The following INSR variants were observed in gnomAD, a reference collection of about 807,000 sequenced individuals.
INSR encodes the protein IR.
In INSR, 67 loss-of-function variants were observed where a neutral mutation model predicts 142.6. The observed-to-expected ratio is 0.47, with a 90% CI of 0.39 to 0.58. INSR has a LOEUF of 0.58. INSR is among the 20% of genes least tolerant of loss of function. INSR has a pLI of 0.00. For missense variants in INSR, 1,248 were observed against 1,833.2 expected, an observed-to-expected ratio of 0.68 and a Z score of 5.83; for synonymous variants, 756 against 743.1, an observed-to-expected ratio of 1.02 and a Z score of -0.28.
intron 13 of INSR, among the ~76,000 whole-genome samples, chr19:7,137,422 A>G (rs1972958298): frequency 1.3e-5 from 2 of 152,016 alleles, no homozygotes; most frequent in African/African-American, 2.4e-5. Context: ...CAAAGAAATG[A>G]GGTTTGGAAC....
At position 7,125,401 on chromosome 19, in the gene INSR, T is replaced by G; in HGVS notation, c.3140A>C (p.Lys1047Thr). The change falls in exon 17 of 22, where the codon AAG (lysine) becomes ACG (threonine). Residue 1047 changes from lysine to threonine, a missense_variant. Physicochemically the swap from Lys to Thr is moderately conservative, Grantham distance 78. Coordinates refer to ENST00000302850, the MANE Select transcript of INSR (RefSeq NM_000208.4). The surrounding 1 kb of genome is among the most constrained non-coding windows in gnomAD (Gnocchi z 4.9). Reference protein sequence around the residue: ...VYEGNARDIIKGEAETRVAVK... With the variant: ...VYEGNARDIITGEAETRVAVK... ...CGCCACGCGGGTCTCTGCCTCACCC[T>G]TGATGATGTCCCTGGCATTGCCCTC... 6.2e-7 allele frequency: 1 copy of G among 1,614,140 alleles called. No individual in the cohort carries two copies. The highest frequency in any genetic ancestry group is 1.1e-5 in the South Asian group (1 of 91,072).
chr19:7,276,394 C>A (rs371110021), intron 1 of INSR, among the ~76,000 whole-genome samples: 3 of 152,092 alleles, frequency 2.0e-5, no homozygotes, highest in African/African-American at 4.8e-5. Flanking sequence ...AGTCCTGCGT[C>A]GGCCTCCCAG....
At chr19:7,221,379 AGG>A (rs1172725449) in intron 2 of INSR, among the ~76,000 whole-genome samples, 42 of 400 alleles carry the variant, frequency 0.1, no homozygotes, top group Admixed American at 0.4. Context: ...GTCAAAAAAA[AGG>A]AGGAGGAGGA....
At chr19:7,229,526 A>G (rs1349091912) in intron 2 of INSR, among the ~76,000 whole-genome samples, 2 of 152,196 alleles carry the variant, frequency 1.3e-5, no homozygotes, top group African/African-American at 4.8e-5. Context: ...AATCCATGAC[A>G]TAGGAGAGTA....
At chr19:7,170,916 G>A (rs1358274725) in intron 5 of INSR, among the ~76,000 whole-genome samples, 165 bp from the exon 6 acceptor site, 5 of 152,142 alleles carry the variant, frequency 3.3e-5, no homozygotes, top group Non-Finnish European at 7.3e-5. Context: ...GATAACAGAG[G>A]AAGTTGAGGA....
intron 2 of INSR, among the ~76,000 whole-genome samples, chr19:7,236,122 C>T (rs951989061): frequency 4.6e-5 from 7 of 151,798 alleles, no homozygotes; most frequent in East Asian, 1.9e-4. Flanking sequence ...CCACCACACC[C>T]GGCTAATTTT....
Position 7,125,670 on chromosome 19 carries a change from C to T in INSR, c.3014-143G>A. 8.9e-7 allele frequency: 1 copy of T among 1,119,358 alleles called. No individual in the cohort carries two copies. The highest frequency in any genetic ancestry group is 1.3e-6 in the Non-Finnish European group (1 of 764,626). The allele number at this position is 1,119,358 out of a possible 1,614,324, so 69.3% of individuals were successfully genotyped here. On this transcript the variant is annotated intron_variant, in intron 16 of 21. Coordinates refer to ENST00000302850, the MANE Select transcript of INSR (RefSeq NM_000208.4). The surrounding 1 kb of genome is among the most constrained non-coding windows in gnomAD (Gnocchi z 4.9). ...TCCAGGACCCATGCCGGGCACTGGG[C>T]ATATGGCCGAGAACAGGACAGGCAT...
chr19:7,162,530 GC>G (rs1973781311), intron 9 of INSR, among the ~76,000 whole-genome samples: 1 of 142,508 alleles, frequency 7.0e-6, no homozygotes, highest in South Asian at 2.2e-4. Flanking sequence ...AAAAAAATAG[GC>G]CGGGTGTGGT....
At chr19:7,181,747 G>A (rs569438636) in intron 3 of INSR, among the ~76,000 whole-genome samples, 1 of 150,534 alleles carries the variant, frequency 6.6e-6, no homozygotes, top group East Asian at 2.0e-4. Context: ...TTTTTTTTTT[G>A]TTTTTGTATT....
intron 2 of INSR, among the ~76,000 whole-genome samples, chr19:7,197,856 G>T (rs1194978891): frequency 8.3e-6 from 1 of 119,958 alleles, no homozygotes; most frequent in African/African-American, 3.2e-5. Context: ...GAGAGAGAAC[G>T]AGAGAGAGTG....
At chr19:7,158,262 A>G (rs927945946) in intron 9 of INSR, among the ~76,000 whole-genome samples, 1 of 152,004 alleles carries the variant, frequency 6.6e-6, no homozygotes, top group African/African-American at 2.4e-5. Context: ...GCACGTTGGG[A>G]GGCCAAGGTG....
chr19:7,160,122 G>T (rs1973709306), intron 9 of INSR, among the ~76,000 whole-genome samples: 2 of 151,724 alleles, frequency 1.3e-5, no homozygotes, highest in Admixed American at 6.6e-5. Context: ...AACATATCAA[G>T]ATCCCCACCT....
chr19:7,142,376 C>A lies in INSR; in HGVS notation c.2542+440G>T, dbSNP rs1425194046. Among the ~76,000 whole-genome samples the A allele has an allele frequency of 5.4e-4, 53 of 98,484 alleles. 1 individual carries two copies. Among genetic ancestry groups the A allele is most frequent in the African/African-American group, 2.1e-3 (50 of 23,528 alleles). 64.6% of individuals were successfully genotyped at this position (98,484 alleles called of 152,430 possible). On this transcript the variant is annotated intron_variant, in intron 12 of 21. Transcript: ENST00000302850. ...TTGTACTCCAGCCTGGGCGACAGAG[C>A]AAGACTTCATCTCAAAAAAAAAAAA...
intron 2 of INSR, among the ~76,000 whole-genome samples, chr19:7,251,057 G>T (rs888551529): frequency 1.3e-5 from 2 of 152,150 alleles, no homozygotes; most frequent in Admixed American, 6.5e-5. Flanking sequence ...ATTCTTTGTG[G>T]CTGGGCTGTC....
At chr19:7,257,132 G>A (rs1976919938) in intron 2 of INSR, among the ~76,000 whole-genome samples, 1 of 151,590 alleles carries the variant, frequency 6.6e-6, no homozygotes, top group African/African-American at 2.4e-5. Flanking sequence ...TAGTAGAGAC[G>A]GGGTTTCACT....
chr19:7,246,587 A>G (rs771883445), intron 2 of INSR, among the ~76,000 whole-genome samples: 1 of 152,242 alleles, frequency 6.6e-6, no homozygotes, highest in Non-Finnish European at 1.5e-5. Flanking sequence ...AGCTAAGTAC[A>G]TGATTGTTGA....
At chr19:7,151,160 T>C (rs866862593) in intron 10 of INSR, among the ~76,000 whole-genome samples, 352 of 7,276 alleles carry the variant, frequency 0.048, 4 homozygotes, top group African/African-American at 0.064. Context: ...CTTTCTTTCT[T>C]TCTCTTTCTT....
chr19:7,187,436 C>G (rs1974459940), intron 2 of INSR, among the ~76,000 whole-genome samples: 1 of 152,040 alleles, frequency 6.6e-6, no homozygotes, highest in Non-Finnish European at 1.5e-5. Context: ...CAATTTTTAC[C>G]AAGGAACAAA....
Position 7,197,577 on chromosome 19 carries a change from G to GGTGT in INSR, c.653-12944_653-12941dup, listed in dbSNP as rs113829911. On this transcript the variant is annotated intron_variant, in intron 2 of 21. Coordinates refer to ENST00000302850, the MANE Select transcript of INSR (RefSeq NM_000208.4). ...TCCAGAGTGGGAGTGTGTGTGTTTG[G>GGTGT]GTGTGTGTGTGTGTGTGTGTGTCAG... 2.0e-4 allele frequency among the ~76,000 whole-genome samples: 11 copies of GGTGT among 56,000 alleles called. 4 individuals are homozygous for GGTGT. The highest frequency in any genetic ancestry group is 3.4e-4 in the Non-Finnish European group (9 of 26,136). The allele number at this position is 56,000 out of a possible 152,430, so 36.7% of individuals were successfully genotyped here.
Sources: allele counts gnomAD v4.1 joint callset (sites outside exome capture counted in the v4.1 genomes callset), GRCh38; gene constraint gnomAD v4.1.1; non-coding constraint Gnocchi (gnomAD v3.1); transcripts MANE v1.5; gene names NCBI Gene and HGNC (gene_info 2026-07-23, HGNC 2026-07-21).